Variants in B3GALT1 observed in about 807,000 individuals in gnomAD.
B3GALT1 encodes the protein beta-1,3-galactosyltransferase 1, also known as UDP-Gal:betaGlcNAc beta 1,3-galactosyltransferase, polypeptide 1.
B3GALT1 carries 10 observed loss-of-function variants against 23.2 expected under a neutral mutation model. That is an observed-to-expected ratio of 0.43 (90% CI 0.27 to 0.73). The LOEUF (loss-of-function observed/expected upper bound fraction) is 0.73, where lower values mean the gene tolerates loss of function less well. B3GALT1 is among the 30% of genes least tolerant of loss of function. The pLI is 0.21. For synonymous variants in B3GALT1, 156 were observed against 141.5 expected, an observed-to-expected ratio of 1.10 and a Z score of -0.73; for missense variants, 299 against 405.4, an observed-to-expected ratio of 0.74 and a Z score of 2.25.
chr2:167,703,881 C>T (rs969812182), intron 3 of B3GALT1, among the ~76,000 whole-genome samples: 2 of 152,126 alleles, frequency 1.3e-5, no homozygotes, highest in Admixed American at 1.3e-4. Context: ...TTCTCTTCTC[C>T]TCTGAAAAGG....
At chr2:167,755,811 A>G (rs1283363638) in intron 3 of B3GALT1, among the ~76,000 whole-genome samples, 6 of 151,656 alleles carry the variant, frequency 4.0e-5, no homozygotes, top group Admixed American at 3.9e-4. Context: ...CTACAAAAAT[A>G]ACAACACAAA....
intron 3 of B3GALT1, among the ~76,000 whole-genome samples, chr2:167,812,963 A>ACG: frequency 6.9e-6 from 1 of 144,304 alleles, no homozygotes; most frequent in Middle Eastern, 3.7e-3. Context: ...ACATGCATAC[A>ACG]CACACACACA....
chr2:167,670,723 CAG>C (rs1388427314), intron 3 of B3GALT1, among the ~76,000 whole-genome samples: 16 of 151,962 alleles, frequency 1.1e-4, no homozygotes, highest in Non-Finnish European at 1.9e-4. Flanking sequence ...AAGAACCAAA[CAG>C]AAATTCTGAA....
chr2:167,635,943 T>C (rs1685544920), intron 2 of B3GALT1, among the ~76,000 whole-genome samples: 1 of 151,946 alleles, frequency 6.6e-6, no homozygotes, highest in African/African-American at 2.4e-5. Flanking sequence ...CTTCAAACTA[T>C]ACTACAAGGC....
chr2:167,504,036 A>G (rs1172066806), intron 2 of B3GALT1, among the ~76,000 whole-genome samples: 1 of 152,192 alleles, frequency 6.6e-6, no homozygotes, highest in Non-Finnish European at 1.5e-5. Flanking sequence ...CCACCAAGCA[A>G]CAGAACTACC....
At chr2:167,699,640 C>T (rs1686846338) in intron 3 of B3GALT1, among the ~76,000 whole-genome samples, 1 of 152,024 alleles carries the variant, frequency 6.6e-6, no homozygotes, top group Admixed American at 6.6e-5. Flanking sequence ...GCATCTCAGT[C>T]ATCAATAAAA....
At chr2:167,818,848 G>A (rs563056082) in intron 4 of B3GALT1, among the ~76,000 whole-genome samples, 55 bp downstream of exon 4, 16 of 152,274 alleles carry the variant, frequency 1.1e-4, no homozygotes, top group Non-Finnish European at 1.9e-4. Flanking sequence ...GCAGCCCAGC[G>A]TCGAGGAAAA....
intron 2 of B3GALT1, among the ~76,000 whole-genome samples, chr2:167,612,211 CTT>C (rs1354825708): frequency 6.6e-6 from 1 of 151,828 alleles, no homozygotes; most frequent in Non-Finnish European, 1.5e-5. Context: ...TAGTTTGTAG[CTT>C]TTAACACTAG....
At chr2:167,777,766 C>T (rs927793028) in intron 3 of B3GALT1, among the ~76,000 whole-genome samples, 7 of 152,168 alleles carry the variant, frequency 4.6e-5, no homozygotes, top group Admixed American at 2.0e-4. Flanking sequence ...GTCTAAATAT[C>T]TCATTGTCAC....
chr2:167,478,708 C>T (rs1244620391), intron 1 of B3GALT1, among the ~76,000 whole-genome samples: 1 of 150,052 alleles, frequency 6.7e-6, no homozygotes, highest in African/African-American at 2.5e-5. Context: ...TAATGCTATT[C>T]GTCCCTCCTC....
chr2:167,344,009 G>T (rs190282075), intron 1 of B3GALT1, among the ~76,000 whole-genome samples: 1 of 152,282 alleles, frequency 6.6e-6, no homozygotes, highest in East Asian at 1.9e-4. Context: ...GGAGAAGGGA[G>T]TATTGGGTGG....
chr2:167,558,970 C>T (rs531732510), intron 2 of B3GALT1, among the ~76,000 whole-genome samples: 35 of 152,298 alleles, frequency 2.3e-4, no homozygotes, highest in East Asian at 2.1e-3. Flanking sequence ...TCTCCCAGCA[C>T]GCAGCTGGAG....
intron 2 of B3GALT1, among the ~76,000 whole-genome samples, chr2:167,599,133 C>G (rs1684830957): frequency 6.6e-6 from 1 of 152,212 alleles, no homozygotes; most frequent in East Asian, 1.9e-4. Flanking sequence ...TCACAATCCT[C>G]ACTGCTACAG....
At chr2:167,338,251 T>A (rs916921279) in intron 1 of B3GALT1, among the ~76,000 whole-genome samples, 4 of 152,204 alleles carry the variant, frequency 2.6e-5, no homozygotes, top group African/African-American at 9.6e-5. Context: ...CTTTTAGTCA[T>A]CTTAGTTTTT....
At chr2:167,375,562 G>C (rs1282007347) in intron 1 of B3GALT1, among the ~76,000 whole-genome samples, 1 of 151,868 alleles carries the variant, frequency 6.6e-6, no homozygotes. Context: ...CACCTCCTTG[G>C]TTAGATATAT....
chr2:167,579,430 G>GTGTTTTTTTTTTTTTTTTTTTTT (rs1553469287), intron 2 of B3GALT1, among the ~76,000 whole-genome samples: 2 of 63,632 alleles, frequency 3.1e-5, no homozygotes, highest in African/African-American at 1.2e-4. Context: ...GTTTTTTTTT[G>GTGTTTTTTTTTTTTTTTTTTTTT]TCTTTTTTTT....
chr2:167,306,922 C>T (rs896091133), intron 1 of B3GALT1, among the ~76,000 whole-genome samples: 1 of 151,978 alleles, frequency 6.6e-6, no homozygotes, highest in Non-Finnish European at 1.5e-5. Context: ...GATACTGTGT[C>T]TCTTATAATT....
At chr2:167,698,010 T>C (rs988524598) in intron 3 of B3GALT1, among the ~76,000 whole-genome samples, 3 of 152,232 alleles carry the variant, frequency 2.0e-5, no homozygotes, top group African/African-American at 7.2e-5. Flanking sequence ...GGAAATGTAT[T>C]TATTTTCTGA....
intron 3 of B3GALT1, among the ~76,000 whole-genome samples, chr2:167,771,887 G>A (rs1237456634): frequency 6.6e-6 from 1 of 152,170 alleles, no homozygotes; most frequent in African/African-American, 2.4e-5. Flanking sequence ...TTGGCATTTG[G>A]CTCAATCAGG....
Sources: allele counts gnomAD v4.1 joint callset (sites outside exome capture counted in the v4.1 genomes callset), GRCh38; gene constraint gnomAD v4.1.1; transcripts MANE v1.5; gene names NCBI Gene and HGNC (gene_info 2026-07-23, HGNC 2026-07-21).